The following TLE6 variants were observed in gnomAD, a reference collection of about 807,000 sequenced individuals.
The protein encoded by TLE6 is TLE family member 6, subcortical maternal complex member.
In TLE6, 72 loss-of-function variants were observed where a neutral mutation model predicts 77.1. The observed-to-expected ratio is 0.93, with a 90% CI of 0.77 to 1.14. The LOEUF (loss-of-function observed/expected upper bound fraction) is 1.14, where lower values mean the gene tolerates loss of function less well. TLE6 is among the 50% of genes most tolerant of loss of function. The pLI is 0.00. For synonymous variants in TLE6, 366 were observed against 287.3 expected (o/e 1.27, Z -2.77); for missense variants, 843 against 747.6 (o/e 1.13, Z -1.49).
At chr19:2,994,585 G>C (rs1256054134) in intron 16 of TLE6, among the ~76,000 whole-genome samples, 4 of 151,564 alleles carry the variant, frequency 2.6e-5, no homozygotes, top group South Asian at 2.1e-4. Flanking sequence ...ACTCCAGCCT[G>C]GGTGACAGAG....
intron 3 of TLE6, among the ~76,000 whole-genome samples, chr19:2,981,315 C>T (rs2088793054): frequency 6.7e-6 from 1 of 149,872 alleles, no homozygotes; most frequent in African/African-American, 2.5e-5. Flanking sequence ...ACACTGCACT[C>T]CAGCCTGGGT....
chr19:2,982,535 CA>C (rs1200316710), intron 5 of TLE6, among the ~76,000 whole-genome samples: 2,466 of 41,850 alleles, frequency 0.059, 46 homozygotes, highest in African/African-American at 0.18. Flanking sequence ...GACTCTGTCT[CA>C]AAAAAAAAAA....
rs768204804 is a variant in TLE6 at position 2,991,941 on chromosome 19, A to C, written c.1343A>C (p.Gln448Pro). ...GATGCCTGTCTGCGGTGCTGGGACC[A>C]GAGGACCATCATGAAACCTCTGGAG... ...GPDACLRCWD[Q>P]RTIMKPLEYQ... is the part of the protein sequence containing the mutation. The change falls in exon 14 of 17, where the codon CAG becomes CCG. Residue 448 changes from glutamine to proline, a missense_variant. Gln to Pro is a moderately conservative substitution (Grantham distance 76, BLOSUM62 -1). Coordinates refer to ENST00000246112, the MANE Select transcript of TLE6 (RefSeq NM_001143986.2). 1.9e-6 allele frequency: 3 copies of C among 1,613,908 alleles called. No homozygotes were observed. Among genetic ancestry groups the C allele is most frequent in the Non-Finnish European group, 2.5e-6 (3 of 1,180,028 alleles).
At position 2,978,356 on chromosome 19, in the gene TLE6, C is replaced by T. The variant is rs879189643; in HGVS notation, c.51+72C>T. 1.3e-5 allele frequency: 20 copies of T among 1,488,470 alleles called. No individual in the cohort carries two copies. The South Asian group carries it at 2.1e-4, about 15-fold the overall frequency. The allele number at this position is 1,488,470 out of a possible 1,614,324, so 92.2% of individuals were successfully genotyped here. On this transcript the variant is annotated intron_variant, in intron 2 of 16. Coordinates refer to ENST00000246112, the MANE Select transcript of TLE6 (RefSeq NM_001143986.2). ...CCAATGTGGTTCTGCCCCTTTTCCA[C>T]CTGTGACCTGGGCTGGCCCCGCCCA...
chr19:2,985,494 C>T (rs750013753), intron 5 of TLE6, among the ~76,000 whole-genome samples: 3 of 74,436 alleles, frequency 4.0e-5, no homozygotes, highest in Non-Finnish European at 8.6e-5. Flanking sequence ...CTGCAAGCTC[C>T]GCCTCCTGGG....
chr19:2,983,347 A>T (rs1007327403), intron 5 of TLE6, among the ~76,000 whole-genome samples: 4 of 152,044 alleles, frequency 2.6e-5, no homozygotes, highest in Non-Finnish European at 5.9e-5. Context: ...AGGGCTGGGC[A>T]AGGCGGGGGA....
intron 14 of TLE6, among the ~76,000 whole-genome samples, chr19:2,993,117 G>A (rs950514359): frequency 5.3e-5 from 8 of 151,738 alleles, no homozygotes; most frequent in East Asian, 1.9e-4. Context: ...AGGCTGAGGC[G>A]GGAGAATCGC....
rs1447125348 is a variant in TLE6 at position 2,987,902 on chromosome 19, C to T, written c.630C>T (p.Pro210=). The change falls in exon 10 of 17, where the codon CCC becomes CCT. Residue 210 remains proline (P), a synonymous_variant. Transcript: ENST00000246112. ...CCCCTCTTGTCTCCCCACTAGCCCC[C>T]AGGCCACCTGAGGCCTCCTCCAGTC... ...TDPCPEDAST[P]RPPEASSSPP... is the part of the protein sequence containing the mutation. 1.2e-6 allele frequency: 2 copies of T among 1,609,970 alleles called. No homozygotes were observed. The highest frequency in any genetic ancestry group is 2.2e-5 in the South Asian group (2 of 90,728).
At chr19:2,990,650 TAA>T (rs2089026210) in intron 13 of TLE6, among the ~76,000 whole-genome samples, 25 of 146,762 alleles carry the variant, frequency 1.7e-4, no homozygotes, top group African/African-American at 5.7e-4. Context: ...AATATATATA[TAA>T]ATACATAAAT....
At chr19:2,989,361 G>A (rs3746074) in intron 12 of TLE6, 48 bp downstream of exon 12, 2 of 1,603,556 alleles carry the variant, frequency 1.2e-6, no homozygotes, top group East Asian at 2.2e-5. Flanking sequence ...TGGGAACAGG[G>A]GGTTTGAGGT....
chr19:2,987,726 G>T lies in TLE6; in HGVS notation c.561G>T (p.Gly187=). 6.2e-7 allele frequency: 1 copy of T among 1,614,146 alleles called. No homozygotes were observed. Among genetic ancestry groups the T allele is most frequent in the Non-Finnish European group, 8.5e-7 (1 of 1,180,024 alleles). ...PRDRQQAPGL[G]QESKAPGSCD... Reference sequence around the variant, plus strand: ...GATGAGACTTTTCCATTTTCCAGGGGCAGGAAAGCAAGGCACCAGGATCCT... The same window carrying T: ...GATGAGACTTTTCCATTTTCCAGGGTCAGGAAAGCAAGGCACCAGGATCCT... Residue 187 remains glycine (G), a splice_region_variant and synonymous_variant, in exon 9 of 17, where the codon GGG becomes GGT. Coordinates refer to ENST00000246112, the MANE Select transcript of TLE6 (RefSeq NM_001143986.2).
chr19:2,990,599 C>G (rs2089023247), intron 13 of TLE6, among the ~76,000 whole-genome samples: 1 of 148,028 alleles, frequency 6.8e-6, no homozygotes, highest in South Asian at 2.1e-4. Context: ...GAGCAAGACT[C>G]TGTCTCAAAA....
intron 14 of TLE6, among the ~76,000 whole-genome samples, chr19:2,992,703 G>A (rs62125437): frequency 0.61 from 90,754 of 148,252 alleles, 28,709 homozygotes; most frequent in Non-Finnish European, 0.68. Flanking sequence ...TGAGCCCGGG[G>A]AGGCTGAGGC....
At chr19:2,993,026 TAAAAAA>T (rs377287142) in intron 14 of TLE6, among the ~76,000 whole-genome samples, 2 of 48,340 alleles carry the variant, frequency 4.1e-5, no homozygotes, top group Non-Finnish European at 8.1e-5. Flanking sequence ...CCGTCTCTAC[TAAAAAA>T]AAAAAAAAAA....
chr19:2,983,168 G>C (rs1412443673), intron 5 of TLE6, among the ~76,000 whole-genome samples: 1 of 152,068 alleles, frequency 6.6e-6, no homozygotes, highest in African/African-American at 2.4e-5. Context: ...AGGGAACAGG[G>C]TGAGGGGGGG....
chr19:2,983,638 A>AGGGACGG (rs1568210591), intron 5 of TLE6, among the ~76,000 whole-genome samples: 1 of 151,686 alleles, frequency 6.6e-6, no homozygotes, highest in African/African-American at 2.4e-5. Flanking sequence ...GGGGGAGGGC[A>AGGGACGG]GGCCACGCAT....
chr19:2,986,715 A>G (rs1180543938), intron 5 of TLE6, 114 bp from the exon 6 acceptor site: 2 of 1,137,810 alleles, frequency 1.8e-6, no homozygotes, highest in Non-Finnish European at 1.2e-6. Flanking sequence ...CTCTGTCTCA[A>G]AAAAACAAGT....
chr19:2,980,040 C>A (rs370662742), intron 2 of TLE6, 60 bp from the exon 3 acceptor site: 7 of 1,379,582 alleles, frequency 5.1e-6, no homozygotes, highest in Non-Finnish European at 7.0e-6. Context: ...AGGTGGAGAC[C>A]GGGGGTCTTG....
intron 3 of TLE6, among the ~76,000 whole-genome samples, chr19:2,980,911 T>A (rs886929683): frequency 3.3e-5 from 5 of 150,598 alleles, no homozygotes; most frequent in African/African-American, 1.2e-4. Context: ...TCTAGCTGAG[T>A]GTGGTGGTGC....
Sources: allele counts gnomAD v4.1 joint callset (sites outside exome capture counted in the v4.1 genomes callset), GRCh38; gene constraint gnomAD v4.1.1; transcripts MANE v1.5; gene names NCBI Gene and HGNC (gene_info 2026-07-23, HGNC 2026-07-21).